Variants in PPARGC1A observed in about 807,000 individuals in gnomAD.
PPARGC1A encodes peroxisome proliferator-activated receptor gamma coactivator 1-alpha.
A neutral mutation model predicts 88.7 loss-of-function variants in PPARGC1A; 25 were observed. The ratio of observed to expected loss-of-function variants is 0.28; its 90% CI spans 0.21 to 0.39. The LOEUF is 0.39. Ranked by LOEUF, PPARGC1A falls within the 10% of genes least tolerant of loss-of-function variation. PPARGC1A has a pLI of 1.00. For synonymous variants in PPARGC1A, 363 were observed against 355.6 expected (o/e 1.02, Z -0.24); for missense variants, 880 against 968.7 (o/e 0.91, Z 1.22).
the PPARGC1A span, among the ~76,000 whole-genome samples, chr4:24,444,914 G>A: frequency 5.9e-5 from 9 of 152,198 alleles, no homozygotes; most frequent in African/African-American, 2.2e-4. Context: ...TTAGCTGGAC[G>A]TGGTGGCGCA....
At chr4:24,091,348 A>G in the PPARGC1A span, 1 of 789,452 alleles carries the variant, frequency 1.3e-6, no homozygotes, top group Non-Finnish European at 1.5e-6. Context: ...GACTTTTTTC[A>G]AAAGGACGTG....
the PPARGC1A span, among the ~76,000 whole-genome samples, chr4:24,044,470 A>C: frequency 6.6e-6 from 1 of 152,306 alleles, no homozygotes; most frequent in Non-Finnish European, 1.5e-5. Flanking sequence ...AAGCCTCTGT[A>C]GGGTCAGAGC....
chr4:24,274,717 G>T, the PPARGC1A span, among the ~76,000 whole-genome samples: 1 of 152,094 alleles, frequency 6.6e-6, no homozygotes, highest in African/African-American at 2.4e-5. Flanking sequence ...CTTGGTTTAG[G>T]GAGATGAAAG....
the PPARGC1A span, among the ~76,000 whole-genome samples, chr4:24,156,735 TC>T: frequency 2.9e-5 from 4 of 139,070 alleles, no homozygotes; most frequent in Non-Finnish European, 6.3e-5. Flanking sequence ...TTTCTCTCTC[TC>T]TTTTTTTTTT....
chr4:24,425,408 A>G, the PPARGC1A span, among the ~76,000 whole-genome samples: 4 of 152,188 alleles, frequency 2.6e-5, no homozygotes, highest in Non-Finnish European at 5.9e-5. Context: ...TTACTGCAGC[A>G]CCCAGGGTAT....
intron 10 of PPARGC1A, among the ~76,000 whole-genome samples, chr4:23,808,414 T>C (rs1016818555): frequency 2.0e-5 from 3 of 152,144 alleles, no homozygotes; most frequent in Non-Finnish European, 2.9e-5. Flanking sequence ...ACATCTAGTT[T>C]TGGTTTTGAG....
the PPARGC1A span, among the ~76,000 whole-genome samples, chr4:24,012,017 C>T: frequency 6.6e-6 from 1 of 152,066 alleles, no homozygotes; most frequent in Admixed American, 6.5e-5. Context: ...TCTCTTGCTA[C>T]CTAAAATAGA....
chr4:24,109,777 G>A, the PPARGC1A span, among the ~76,000 whole-genome samples: 1 of 152,144 alleles, frequency 6.6e-6, no homozygotes, highest in Non-Finnish European at 1.5e-5. Context: ...CTAGGAAGGA[G>A]GAACAAGTTC....
chr4:24,044,390 C>CA, the PPARGC1A span, among the ~76,000 whole-genome samples: 1 of 152,166 alleles, frequency 6.6e-6, no homozygotes, highest in Non-Finnish European at 1.5e-5. Context: ...CTGATGCCTG[C>CA]AAGCACAGCA....
At chr4:23,958,149 C>T in the PPARGC1A span, among the ~76,000 whole-genome samples, 1 of 152,070 alleles carries the variant, frequency 6.6e-6, no homozygotes, top group Admixed American at 6.6e-5. Flanking sequence ...GTGCAAATAA[C>T]TCTGTTCAGT....
the PPARGC1A span, among the ~76,000 whole-genome samples, chr4:23,925,704 G>A: frequency 1.3e-5 from 2 of 152,142 alleles, no homozygotes; most frequent in Non-Finnish European, 2.9e-5. Flanking sequence ...CATTGGAAGG[G>A]GTAAGATGTG....
chr4:24,444,180 C>T, the PPARGC1A span, among the ~76,000 whole-genome samples: 1 of 152,054 alleles, frequency 6.6e-6, no homozygotes, highest in Non-Finnish European at 1.5e-5. Flanking sequence ...TACACAGGCA[C>T]ACACCACCAC....
the PPARGC1A span, among the ~76,000 whole-genome samples, chr4:24,265,232 G>A: frequency 7.2e-5 from 11 of 152,240 alleles, no homozygotes; most frequent in Admixed American, 5.2e-4. Flanking sequence ...AGACTTGGGC[G>A]TATTTTTGTG....
chr4:24,369,221 T>C, the PPARGC1A span, among the ~76,000 whole-genome samples: 7 of 152,200 alleles, frequency 4.6e-5, no homozygotes, highest in East Asian at 1.9e-4. Flanking sequence ...AGTGTTTTAA[T>C]TGAACACGTA....
chr4:24,262,199 A>T, the PPARGC1A span, among the ~76,000 whole-genome samples: 1 of 151,938 alleles, frequency 6.6e-6, no homozygotes, highest in Non-Finnish European at 1.5e-5. Flanking sequence ...GTGGTAATCC[A>T]ATCAGGGCTG....
intron 10 of PPARGC1A, among the ~76,000 whole-genome samples, chr4:23,805,155 C>G (rs1873532): frequency 6.6e-6 from 1 of 151,662 alleles, no homozygotes; most frequent in Non-Finnish European, 1.5e-5. Flanking sequence ...ATCAAAGATG[C>G]CTAAGAGTGG....
chr4:24,170,385 G>A, the PPARGC1A span, among the ~76,000 whole-genome samples: 1 of 152,206 alleles, frequency 6.6e-6, no homozygotes, highest in African/African-American at 2.4e-5. Flanking sequence ...ATCTGTTGGA[G>A]CCTCACAAAC....
chr4:24,122,689 T>A, the PPARGC1A span, among the ~76,000 whole-genome samples: 1 of 152,032 alleles, frequency 6.6e-6, no homozygotes, highest in Non-Finnish European at 1.5e-5. Flanking sequence ...ATGTAATAAG[T>A]TGTTCAGATG....
At chr4:23,898,681 G>A (rs1718898457) in intron 1 of PPARGC1A, among the ~76,000 whole-genome samples, 1 of 152,128 alleles carries the variant, frequency 6.6e-6, no homozygotes, top group Non-Finnish European at 1.5e-5. Flanking sequence ...TGCAAAAAGA[G>A]GTTGATGAGA....
Sources: gnomAD v4.1 joint callset for allele counts (sites outside exome capture counted in the v4.1 genomes callset) on GRCh38, gnomAD v4.1.1 for gene constraint, MANE v1.5 for transcripts, NCBI Gene and HGNC (gene_info 2026-07-23, HGNC 2026-07-21) for gene names.